The following TTC27 variants were observed in gnomAD, a reference collection of about 807,000 sequenced individuals.
TTC27 encodes the protein tetratricopeptide repeat protein 27.
A neutral mutation model predicts 115.9 loss-of-function variants in TTC27; 79 were observed. The observed-to-expected ratio is 0.68, with a 90% CI of 0.57 to 0.82. TTC27 has a LOEUF of 0.82. TTC27 is among the 40% of genes least tolerant of loss of function. The pLI is 0.00. For synonymous variants in TTC27, 401 were observed against 356.0 expected, an observed-to-expected ratio of 1.13 and a Z score of -1.42; for missense variants, 1,054 against 993.1, an observed-to-expected ratio of 1.06 and a Z score of -0.82.
At chr2:32,776,403 GAACAGAGTA>G (rs1669998593) in intron 13 of TTC27, among the ~76,000 whole-genome samples, 2 of 152,290 alleles carry the variant, frequency 1.3e-5, no homozygotes, top group African/African-American at 4.8e-5. Flanking sequence ...TGTGGATAGA[GAACAGAGTA>G]CCTCATTTTC....
At chr2:32,797,265 G>C (rs1205938373) in intron 16 of TTC27, among the ~76,000 whole-genome samples, 1 of 151,380 alleles carries the variant, frequency 6.6e-6, no homozygotes, top group Non-Finnish European at 1.5e-5. Context: ...CTGCAGCTTT[G>C]AACTCCGGGG....
At position 32,706,614 on chromosome 2, in the gene TTC27, G is replaced by A. The variant is rs192887578; in HGVS notation, c.1233+3694G>A. On this transcript the variant is annotated intron_variant, in intron 10 of 19. Transcript: ENST00000317907. The stretch of plus-strand genomic sequence containing the variant: ...AGTGTTACTCTTGTCGCCCAGGCTG[G>A]AGTGCAGTGGTGCAATCTTGGCTCA... Among the ~76,000 whole-genome samples the A allele has an allele frequency of 3.9e-5, 6 of 152,062 alleles. No individual in the cohort carries two copies. In the East Asian group the frequency reaches 1.2e-3, roughly 30 times the overall value.
intron 15 of TTC27, 92 bp downstream of exon 15, chr2:32,782,770 G>A: frequency 2.8e-6 from 3 of 1,054,082 alleles, no homozygotes; most frequent in Non-Finnish European, 4.2e-6. Flanking sequence ...GTTTCTCCTT[G>A]TTTTACCTTT....
At chr2:32,758,148 C>G (rs1669302851) in intron 12 of TTC27, 144 bp from the exon 13 acceptor site, 1 of 714,760 alleles carries the variant, frequency 1.4e-6, no homozygotes, top group South Asian at 1.9e-5. Flanking sequence ...CTTACTCAAC[C>G]TGTGTCCTTG....
chr2:32,702,266 T>C (rs1667212505), intron 9 of TTC27, among the ~76,000 whole-genome samples: 1 of 152,196 alleles, frequency 6.6e-6, no homozygotes, highest in Non-Finnish European at 1.5e-5. Context: ...TAATCTTTAC[T>C]GAAAGTAATT....
intron 16 of TTC27, among the ~76,000 whole-genome samples, chr2:32,790,899 A>G (rs1670513111): frequency 6.6e-6 from 1 of 152,204 alleles, no homozygotes; most frequent in African/African-American, 2.4e-5. Context: ...TTGTCAGCAA[A>G]TAGAGACAGT....
intron 12 of TTC27, among the ~76,000 whole-genome samples, chr2:32,739,934 A>C (rs1049595888): frequency 1.3e-5 from 2 of 152,216 alleles, no homozygotes; most frequent in Non-Finnish European, 2.9e-5. Context: ...ATTTGGAGAA[A>C]TGTTTAATTC....
chr2:32,748,080 A>G (rs1668888971), intron 12 of TTC27, among the ~76,000 whole-genome samples: 1 of 151,916 alleles, frequency 6.6e-6, no homozygotes, highest in Non-Finnish European at 1.5e-5. Flanking sequence ...TTTTTTCAAT[A>G]TAGGCATTTA....
intron 14 of TTC27, 81 bp from the exon 15 acceptor site, chr2:32,782,545 A>C: frequency 8.2e-7 from 1 of 1,219,162 alleles, no homozygotes; most frequent in South Asian, 1.3e-5. Flanking sequence ...TTGGACTAGG[A>C]GAGTGTGTTG....
At chr2:32,797,955 AG>A (rs1452444887) in intron 16 of TTC27, among the ~76,000 whole-genome samples, 4 of 152,186 alleles carry the variant, frequency 2.6e-5, no homozygotes, top group Admixed American at 2.0e-4. Context: ...AAATGTGCAA[AG>A]GAGTTGAATA....
chr2:32,695,048 C>T (rs1666938447), intron 9 of TTC27, among the ~76,000 whole-genome samples: 1 of 152,044 alleles, frequency 6.6e-6, no homozygotes, highest in South Asian at 2.1e-4. Context: ...ATACATAACA[C>T]AAAATGTACC....
In TTC27 at chr2:32,628,061, C is replaced by A; in HGVS notation, c.-232C>A. 1.9e-6 allele frequency: 1 copy of A among 518,102 alleles called. No individual in the cohort carries two copies. The highest frequency in any genetic ancestry group is 2.0e-5 in the African/African-American group (1 of 49,752). 32.1% of individuals were successfully genotyped at this position (518,102 alleles called of 1,614,324 possible). ...CTCAAGCTCGGGTTCTTCTCCTAGG[C>A]GGAAGCCAGACCAGAGAGCGTGCGT... is the stretch of plus-strand genomic sequence containing the variant. On this transcript the variant is annotated 5_prime_UTR_variant, in exon 1 of 20. Transcript: ENST00000317907.
intron 4 of TTC27, among the ~76,000 whole-genome samples, chr2:32,646,971 TG>T (rs1401746708): frequency 2.6e-5 from 4 of 151,676 alleles, no homozygotes; most frequent in African/African-American, 9.7e-5. Flanking sequence ...TTTTTTTGTT[TG>T]TTTTTTGTTT....
intron 16 of TTC27, among the ~76,000 whole-genome samples, chr2:32,797,866 A>G (rs1270167835): frequency 6.6e-6 from 1 of 152,230 alleles, no homozygotes; most frequent in African/African-American, 2.4e-5. Context: ...AATATATCTG[A>G]TAAGGGAATA....
chr2:32,698,522 C>G (rs1667072942), intron 9 of TTC27, among the ~76,000 whole-genome samples: 1 of 148,854 alleles, frequency 6.7e-6, no homozygotes, highest in Admixed American at 6.7e-5. Context: ...CTCTGTCACG[C>G]AGCCTGGAGT....
intron 9 of TTC27, among the ~76,000 whole-genome samples, chr2:32,689,348 A>G (rs948522260): frequency 6.6e-6 from 1 of 152,174 alleles, no homozygotes; most frequent in Non-Finnish European, 1.5e-5. Flanking sequence ...TCACATGACC[A>G]GATTTATTTA....
chr2:32,666,860 G>T, intron 7 of TTC27, 92 bp downstream of exon 7: 1 of 1,392,356 alleles, frequency 7.2e-7, no homozygotes, highest in East Asian at 2.4e-5. Flanking sequence ...ATGGGTTGGG[G>T]ACAGACTTCA....
chr2:32,706,271 C>T (rs906209154), intron 10 of TTC27, among the ~76,000 whole-genome samples: 4 of 151,044 alleles, frequency 2.6e-5, no homozygotes, highest in African/African-American at 4.9e-5. Context: ...TTAGTAGAGA[C>T]GGGGTTTCAC....
Position 32,758,272 on chromosome 2 carries a change from A to G in TTC27, c.1453-20A>G, listed in dbSNP as rs778691129. ...CAGTTAATCACTCTTAAGCAATTTCATTATTTCTGTTGTTTCTAGGCAGAA... is the reference window on the plus strand; with the variant it reads ...CAGTTAATCACTCTTAAGCAATTTCGTTATTTCTGTTGTTTCTAGGCAGAA... On this transcript the variant is annotated intron_variant, in intron 12 of 19. Transcript: ENST00000317907. 4 of 1,609,224 alleles carry G rather than the reference A, an allele frequency of 2.5e-6. No homozygotes were observed. The highest frequency in any genetic ancestry group is 3.4e-6 in the Non-Finnish European group (4 of 1,177,216).
Sources: gnomAD v4.1 joint callset for allele counts (sites outside exome capture counted in the v4.1 genomes callset) on GRCh38, gnomAD v4.1.1 for gene constraint, MANE v1.5 for transcripts, NCBI Gene and HGNC (gene_info 2026-07-23, HGNC 2026-07-21) for gene names.